GRID2: variants seen among roughly 807,000 people sequenced by gnomAD.
GRID2 encodes the protein glutamate receptor ionotropic, delta-2.
Under a neutral mutation model 114.8 loss-of-function variants are expected in GRID2, and 33 were observed. The ratio of observed to expected loss-of-function variants is 0.29; its 90% CI spans 0.22 to 0.38. The LOEUF (loss-of-function observed/expected upper bound fraction) is 0.38, where lower values mean the gene tolerates loss of function less well. GRID2 is among the 10% of genes least tolerant of loss of function. The probability of loss-of-function intolerance (pLI) is 1.00; values close to 1 mark genes in which losing one functional copy is unlikely to be tolerated. For missense variants in GRID2, 1,184 were observed against 1,257.7 expected, an observed-to-expected ratio of 0.94 and a Z score of 0.89; for synonymous variants, 505 against 449.9, an observed-to-expected ratio of 1.12 and a Z score of -1.55.
intron 13 of GRID2, among the ~76,000 whole-genome samples, chr4:93,546,278 A>G (rs1053087377): frequency 6.6e-6 from 1 of 152,202 alleles, no homozygotes; most frequent in African/African-American, 2.4e-5. Context: ...TAAAGCGGCA[A>G]TTAGAAGAAT....
chr4:92,963,796 C>T (rs982383189), intron 2 of GRID2, among the ~76,000 whole-genome samples: 1 of 151,914 alleles, frequency 6.6e-6, no homozygotes, highest in African/African-American at 2.4e-5. Context: ...GGAAAAATTG[C>T]TATCTATGAC....
chr4:92,397,844 C>T (rs114150070), intron 1 of GRID2, among the ~76,000 whole-genome samples: 2,011 of 152,234 alleles, frequency 0.013, 25 homozygotes, highest in Non-Finnish European at 0.02. Flanking sequence ...TTTATTTCTT[C>T]CACACCTTTG....
intron 2 of GRID2, among the ~76,000 whole-genome samples, chr4:92,751,671 T>G (rs1489915935): frequency 2.6e-5 from 4 of 152,204 alleles, no homozygotes; most frequent in Non-Finnish European, 5.9e-5. Flanking sequence ...GCCTTCAATG[T>G]CAGACAGGAT....
At chr4:92,935,631 C>T (rs200759915) in intron 2 of GRID2, among the ~76,000 whole-genome samples, 1 of 146,740 alleles carries the variant, frequency 6.8e-6, no homozygotes, top group Non-Finnish European at 1.5e-5. Context: ...ACTTGGAACC[C>T]ACCCAAATGT....
intron 2 of GRID2, among the ~76,000 whole-genome samples, chr4:92,673,672 C>T (rs567208310): frequency 6.6e-6 from 1 of 152,154 alleles, no homozygotes; most frequent in African/African-American, 2.4e-5. Flanking sequence ...TGTGTTCTTT[C>T]AGCATCTTAA....
In GRID2 at chr4:93,040,285, C is replaced by CA. The variant is rs1211442570; in HGVS notation, c.245-44697dup. Among the ~76,000 whole-genome samples, 1,008 of 111,956 alleles carry CA rather than the reference C, an allele frequency of 9.0e-3. 11 individuals are homozygous for CA. The highest frequency in any genetic ancestry group is 0.023 in the African/African-American group (705 of 30,508). The allele number at this position is 111,956 out of a possible 152,430, so 73.4% of individuals were successfully genotyped here. A position where few individuals can be genotyped will look rare whatever the true frequency, so the allele number is the denominator to read the frequency against. Reference sequence around the variant, plus strand: ...ATTAAAAGCAGGAGTTACAGAATCACAAAAAAAAAAAAAGAAAGAAAACAT... The same window carrying CA: ...ATTAAAAGCAGGAGTTACAGAATCACAAAAAAAAAAAAAAGAAAGAAAACAT... On this transcript the variant is annotated intron_variant, in intron 2 of 15. Coordinates refer to ENST00000282020, the MANE Select transcript of GRID2 (RefSeq NM_001510.4).
intron 1 of GRID2, among the ~76,000 whole-genome samples, chr4:92,560,798 C>G (rs1214781179): frequency 6.6e-6 from 1 of 152,076 alleles, no homozygotes; most frequent in African/African-American, 2.4e-5. Context: ...CCTCCACCTC[C>G]CGGGTACAAG....
intron 2 of GRID2, among the ~76,000 whole-genome samples, chr4:92,843,113 C>T (rs919045089): frequency 4.6e-5 from 7 of 152,016 alleles, no homozygotes; most frequent in African/African-American, 1.7e-4. Flanking sequence ...AGGGGTAACA[C>T]ATACCTGTAG....
chr4:92,581,785 T>C (rs1344080455), intron 1 of GRID2, among the ~76,000 whole-genome samples: 1 of 152,110 alleles, frequency 6.6e-6, no homozygotes, highest in Non-Finnish European at 1.5e-5. Flanking sequence ...TAAAGGTGTC[T>C]GAATTATTAA....
chr4:92,900,487 T>A (rs1747486897), intron 2 of GRID2, among the ~76,000 whole-genome samples: 1 of 152,150 alleles, frequency 6.6e-6, no homozygotes, highest in Non-Finnish European at 1.5e-5. Flanking sequence ...CTCTTATAAG[T>A]GATTACATGA....
At chr4:92,982,022 T>TAAA (rs1161216679) in intron 2 of GRID2, among the ~76,000 whole-genome samples, 7 of 80,176 alleles carry the variant, frequency 8.7e-5, no homozygotes, top group African/African-American at 1.9e-4. Context: ...AAAGTACTGG[T>TAAA]AAAAAAAAAA....
intron 5 of GRID2, among the ~76,000 whole-genome samples, chr4:93,207,793 C>G (rs1402073260): frequency 6.6e-6 from 1 of 151,836 alleles, no homozygotes; most frequent in Non-Finnish European, 1.5e-5. Context: ...TGCTTGTGTT[C>G]CATTTATATT....
At chr4:93,688,394 T>A (rs1323329606) in intron 14 of GRID2, among the ~76,000 whole-genome samples, 1 of 151,948 alleles carries the variant, frequency 6.6e-6, no homozygotes, top group Non-Finnish European at 1.5e-5. Context: ...ATATTCTTGG[T>A]ATCTAAAAGG....
chr4:92,609,536 G>C (rs1232154080), intron 2 of GRID2, among the ~76,000 whole-genome samples: 1 of 151,306 alleles, frequency 6.6e-6, no homozygotes, highest in East Asian at 2.0e-4. Flanking sequence ...GATGACTTTT[G>C]AGCAGAGACC....
chr4:93,081,050 C>T (rs1200383140), intron 2 of GRID2, among the ~76,000 whole-genome samples: 1 of 152,154 alleles, frequency 6.6e-6, no homozygotes, highest in Non-Finnish European at 1.5e-5. Context: ...CATTAGGTTC[C>T]ACCTCCCAAC....
intron 6 of GRID2, among the ~76,000 whole-genome samples, chr4:93,220,983 G>A (rs545747151): frequency 2.6e-5 from 4 of 152,080 alleles, no homozygotes; most frequent in Admixed American, 6.6e-5. Context: ...ATTTGAAAAA[G>A]CACAGATAAA....
At chr4:92,948,621 G>A (rs1018718019) in intron 2 of GRID2, among the ~76,000 whole-genome samples, 2 of 151,774 alleles carry the variant, frequency 1.3e-5, no homozygotes, top group South Asian at 4.1e-4. Flanking sequence ...TTTTATATGT[G>A]ATCCAAAATG....
intron 12 of GRID2, among the ~76,000 whole-genome samples, chr4:93,499,594 G>A (rs1309045005): frequency 1.2e-4 from 18 of 151,578 alleles, no homozygotes; most frequent in East Asian, 2.0e-4. Context: ...CTTCTCTTCC[G>A]GTATCTTCCA....
chr4:93,241,487 G>A (rs1258954602), intron 8 of GRID2, among the ~76,000 whole-genome samples: 1 of 151,584 alleles, frequency 6.6e-6, no homozygotes, highest in Admixed American at 6.6e-5. Context: ...CCTGGGATAT[G>A]CATAATTTTA....
Sources: gnomAD v4.1 joint callset for allele counts (sites outside exome capture counted in the v4.1 genomes callset) on GRCh38, gnomAD v4.1.1 for gene constraint, MANE v1.5 for transcripts, NCBI Gene and HGNC (gene_info 2026-07-23, HGNC 2026-07-21) for gene names.